The following SHISA9 variants were observed in gnomAD, a reference collection of about 807,000 sequenced individuals.
SHISA9 encodes protein shisa-9.
Under a neutral mutation model 38.0 loss-of-function variants are expected in SHISA9, and 13 were observed. The ratio of observed to expected loss-of-function variants is 0.34; its 90% confidence interval spans 0.22 to 0.54. The LOEUF (loss-of-function observed/expected upper bound fraction) is 0.54, where lower values mean the gene tolerates loss of function less well. Among genes scored for constraint, SHISA9 ranks in the 20% least tolerant of loss-of-function variants. The probability of loss-of-function intolerance (pLI) is 0.91; values close to 1 mark genes in which losing one functional copy is unlikely to be tolerated. For missense variants in SHISA9, 538 were observed against 575.8 expected (o/e 0.93, Z 0.67); for synonymous variants, 275 against 242.0 (o/e 1.14, Z -1.27).
chr16:13,335,690 G>A, the SHISA9 span, among the ~76,000 whole-genome samples: 1 of 152,036 alleles, frequency 6.6e-6, no homozygotes, highest in Non-Finnish European at 1.5e-5. Context: ...AACCTCTCAG[G>A]CTCTGTTATC....
chr16:13,255,532 C>G, the SHISA9 span, among the ~76,000 whole-genome samples: 1 of 152,176 alleles, frequency 6.6e-6, no homozygotes, highest in Non-Finnish European at 1.5e-5. Flanking sequence ...AAAAAAGTAC[C>G]ATTCAAGTTC....
chr16:13,212,262 G>A (rs2051128121), intron 3 of SHISA9, among the ~76,000 whole-genome samples: 2 of 152,188 alleles, frequency 1.3e-5, no homozygotes, highest in Admixed American at 6.5e-5. Context: ...AGGACCACAC[G>A]CTGATTGGCC....
intron 1 of SHISA9, among the ~76,000 whole-genome samples, chr16:12,915,088 T>C (rs913484102): frequency 5.3e-5 from 8 of 152,012 alleles, no homozygotes; most frequent in African/African-American, 1.9e-4. Flanking sequence ...GGCATGGGGG[T>C]ATATCCCCAA....
the SHISA9 span, among the ~76,000 whole-genome samples, chr16:13,462,760 G>T: frequency 6.6e-6 from 1 of 152,018 alleles, no homozygotes; most frequent in African/African-American, 2.4e-5. Flanking sequence ...TCAGAAGTTC[G>T]AGACCAGCCT....
chr16:13,319,765 C>A, the SHISA9 span, among the ~76,000 whole-genome samples: 2 of 150,368 alleles, frequency 1.3e-5, no homozygotes, highest in Admixed American at 6.6e-5. Flanking sequence ...AGGGGCCTTT[C>A]CAGGGTGTAC....
chr16:13,381,349 AG>A, the SHISA9 span, among the ~76,000 whole-genome samples: 1 of 152,180 alleles, frequency 6.6e-6, no homozygotes, highest in African/African-American at 2.4e-5. Context: ...AAGTGTTAAA[AG>A]GGTTTCTAGT....
At chr16:13,394,709 C>A in the SHISA9 span, among the ~76,000 whole-genome samples, 1 of 152,194 alleles carries the variant, frequency 6.6e-6, no homozygotes, top group Admixed American at 6.5e-5. Context: ...CACACCATAG[C>A]ACTTAGGACA....
chr16:13,087,909 T>C (rs961724141), intron 2 of SHISA9, among the ~76,000 whole-genome samples: 1 of 152,240 alleles, frequency 6.6e-6, no homozygotes, highest in Non-Finnish European at 1.5e-5. Flanking sequence ...GCCTATGTCC[T>C]GAATGGTATT....
rs370580219 is a variant in SHISA9, at chr16:13,095,956, C to G, written c.692-107438C>G. Among the ~76,000 whole-genome samples the G allele has an allele frequency of 3.9e-5, 6 of 152,094 alleles. No homozygotes were observed. In the East Asian group the frequency reaches 7.7e-4, roughly 20 times the overall value. ...CGAGAATTTCCAGTTGTAGTAAGTTCCCAGGTGATGCTGTTGCTGCTGGTC... is the reference window on the plus strand; with the variant it reads ...CGAGAATTTCCAGTTGTAGTAAGTTGCCAGGTGATGCTGTTGCTGCTGGTC... On this transcript the variant is annotated intron_variant, in intron 2 of 4. Coordinates refer to ENST00000558583, the MANE Select transcript of SHISA9 (RefSeq NM_001145204.3).
At chr16:13,059,121 C>CTTTT (rs3075088) in intron 2 of SHISA9, among the ~76,000 whole-genome samples, 142 of 74,878 alleles carry the variant, frequency 1.9e-3, no homozygotes, top group Non-Finnish European at 2.8e-3. Context: ...AAAACTCTAT[C>CTTTT]TTTTTTTTTT....
intron 2 of SHISA9, among the ~76,000 whole-genome samples, chr16:13,011,068 G>A (rs1359694145): frequency 1.3e-5 from 2 of 152,058 alleles, no homozygotes; most frequent in African/African-American, 4.8e-5. Context: ...CACCTAATAC[G>A]GGCAGCAGTG....
intron 2 of SHISA9, among the ~76,000 whole-genome samples, chr16:13,136,938 T>C (rs1279183755): frequency 6.6e-6 from 1 of 152,204 alleles, no homozygotes; most frequent in Non-Finnish European, 1.5e-5. Flanking sequence ...GGAGTTAGAT[T>C]GAGAAGGTTT....
At chr16:13,213,845 G>C (rs1427433480) in intron 4 of SHISA9, among the ~76,000 whole-genome samples, 1 of 152,180 alleles carries the variant, frequency 6.6e-6, no homozygotes, top group Non-Finnish European at 1.5e-5. Flanking sequence ...ACCAGACCAG[G>C]TGGCAGCTAT....
intron 2 of SHISA9, among the ~76,000 whole-genome samples, chr16:12,956,174 C>T (rs1360822680): frequency 6.6e-6 from 1 of 151,800 alleles, no homozygotes; most frequent in African/African-American, 2.4e-5. Context: ...ATTAAAGCCA[C>T]ACTGAGCTAC....
At chr16:12,946,656 C>A (rs2071691835) in intron 2 of SHISA9, among the ~76,000 whole-genome samples, 1 of 152,212 alleles carries the variant, frequency 6.6e-6, no homozygotes, top group South Asian at 2.1e-4. Flanking sequence ...CAGTCAGTCC[C>A]CGGCTCTGGC....
chr16:13,212,660 G>T (rs553347895), intron 3 of SHISA9, among the ~76,000 whole-genome samples: 10 of 152,270 alleles, frequency 6.6e-5, no homozygotes, highest in South Asian at 6.2e-4. Context: ...AAAATTGAAT[G>T]CATTCCTTCA....
intron 2 of SHISA9, among the ~76,000 whole-genome samples, chr16:13,014,564 T>C (rs2072718374): frequency 6.6e-6 from 1 of 152,226 alleles, no homozygotes; most frequent in Non-Finnish European, 1.5e-5. Flanking sequence ...CCACTGGTTA[T>C]TCCTTCTGAC....
rs118147589 is a variant in SHISA9, at chr16:13,075,431, G to A, written c.692-127963G>A. ...GAGTACGTCATCATGCCTTGAACCCGTGGGAGGGTCTTTTGAATCCAAGTT... is the reference window on the plus strand; with the variant it reads ...GAGTACGTCATCATGCCTTGAACCCATGGGAGGGTCTTTTGAATCCAAGTT... On this transcript the variant is annotated intron_variant, in intron 2 of 4. Coordinates refer to ENST00000558583, the MANE Select transcript of SHISA9 (RefSeq NM_001145204.3). 2.7e-3 allele frequency among the ~76,000 whole-genome samples: 410 copies of A among 152,198 alleles called. 5 individuals are homozygous for A. Among genetic ancestry groups the A allele is most frequent in the Admixed American group, 0.02 (298 of 15,280 alleles).
At chr16:13,484,227 G>A in the SHISA9 span, among the ~76,000 whole-genome samples, 140 of 152,314 alleles carry the variant, frequency 9.2e-4, no homozygotes, top group African/African-American at 3.2e-3. Flanking sequence ...GTGGTAGTGT[G>A]AGACTAGAGG....
Sources: allele counts gnomAD v4.1 joint callset (sites outside exome capture counted in the v4.1 genomes callset), GRCh38; gene constraint gnomAD v4.1.1; transcripts MANE v1.5; gene names NCBI Gene and HGNC (gene_info 2026-07-23, HGNC 2026-07-21).